The following GALNT14 variants were observed in gnomAD, a reference collection of about 807,000 sequenced individuals.
GALNT14 encodes the protein polypeptide N-acetylgalactosaminyltransferase 14, also known as UDP-GalNAc:polypeptide N-acetylgalactosaminyltransferase 14.
GALNT14 carries 60 observed loss-of-function variants against 77.5 expected under a neutral mutation model. That is an observed-to-expected ratio of 0.77 (90% CI 0.63 to 0.96). The LOEUF is 0.96. Among genes scored for constraint, GALNT14 ranks in the 40% least tolerant of loss-of-function variants. The probability of loss-of-function intolerance (pLI) is 0.00; values close to 1 mark genes in which losing one functional copy is unlikely to be tolerated. For synonymous variants in GALNT14, 280 were observed against 281.7 expected (o/e 0.99, Z 0.06); for missense variants, 710 against 731.0 (o/e 0.97, Z 0.33).
intron 1 of GALNT14, among the ~76,000 whole-genome samples, chr2:31,033,006 C>T (rs1672506526): frequency 6.6e-6 from 1 of 152,154 alleles, no homozygotes; most frequent in South Asian, 2.1e-4. Context: ...CATCAGTGAA[C>T]ATCCTAGGGT....
chr2:30,957,304 G>A (rs761336307), intron 4 of GALNT14, among the ~76,000 whole-genome samples: 2 of 152,130 alleles, frequency 1.3e-5, no homozygotes, highest in African/African-American at 2.4e-5. Flanking sequence ...GCACCAGGTT[G>A]ATTATTTGCC....
chr2:31,117,455 T>C (rs1334896787), intron 1 of GALNT14, among the ~76,000 whole-genome samples: 1 of 152,068 alleles, frequency 6.6e-6, no homozygotes, highest in African/African-American at 2.4e-5. Flanking sequence ...GCAAGAAAAG[T>C]TAAAATTAAT....
Position 30,993,007 on chromosome 2 carries a change from G to C in GALNT14, c.130C>G (p.Pro44Ala), listed in dbSNP as rs186635790. Residue 44 changes from proline (P) to alanine (A), a missense_variant and splice_region_variant, in exon 2 of 15, where the codon CCT (proline) becomes GCT (alanine). By Grantham distance (27) the Pro-to-Ala change is conservative (BLOSUM62 -1). Transcript: ENST00000349752. ...AGGTCGTCCCAGTCAGCGTCCGAAG[G>C]CTGCGTGACACGAATGGGAAGTCTG... ...PTGPEVQTPK[P>A]SDADWDDLWD... 400 of 1,613,930 alleles carry C rather than the reference G, an allele frequency of 2.5e-4. 1 individual carries two copies. The highest frequency in any genetic ancestry group is 1.9e-3 in the Admixed American group (117 of 60,008).
intron 1 of GALNT14, among the ~76,000 whole-genome samples, chr2:31,096,419 G>T (rs1373138875): frequency 1.3e-5 from 2 of 152,090 alleles, no homozygotes; most frequent in Admixed American, 6.6e-5. Context: ...TAAGTCTCTT[G>T]TCACTTCAGT....
chr2:31,107,858 C>G (rs754208467), intron 1 of GALNT14, among the ~76,000 whole-genome samples: 4 of 152,126 alleles, frequency 2.6e-5, no homozygotes, highest in African/African-American at 4.8e-5. Context: ...CCTGTTTCTC[C>G]TTTAACTTTC....
rs372423583 is a variant in GALNT14 at position 30,932,127 on chromosome 2, G to A, written c.999C>T (p.His333=). The A allele has an allele frequency of 1.0e-5, 16 of 1,573,416 alleles. No individual in the cohort carries two copies. Among genetic ancestry groups the A allele is most frequent in the South Asian group, 2.3e-5 (2 of 85,698 alleles). ...CGTAGGGGTGCTTCTTCCGGAAGACGTGCCCCACTCGGCTGCAGGGGACGA... is the reference window on the plus strand; with the variant it reads ...CGTAGGGGTGCTTCTTCCGGAAGACATGCCCCACTCGGCTGCAGGGGACGA... ...LEIVPCSRVG[H]VFRKKHPYVF... is the part of the protein sequence containing the mutation. The change falls in exon 10 of 15, where the codon CAC becomes CAT. Residue 333 remains histidine, a synonymous_variant. Transcript: ENST00000349752.
chr2:31,055,828 G>C (rs887559894), intron 1 of GALNT14, among the ~76,000 whole-genome samples: 1 of 152,192 alleles, frequency 6.6e-6, no homozygotes, highest in African/African-American at 2.4e-5. Flanking sequence ...AACCAGAGAG[G>C]ACAGCAGCCA....
intron 1 of GALNT14, among the ~76,000 whole-genome samples, chr2:31,121,617 A>G (rs1226859270): frequency 6.6e-6 from 1 of 152,058 alleles, no homozygotes; most frequent in East Asian, 1.9e-4. Context: ...CTAGTCACTC[A>G]TGCTGAGTCC....
In GALNT14 at chr2:31,049,665, C is replaced by G. The variant is rs114662681; in HGVS notation, c.130-56658G>C. 9.8e-3 allele frequency among the ~76,000 whole-genome samples: 1,487 copies of G among 152,308 alleles called. 33 individuals are homozygous for G. Among genetic ancestry groups the G allele is most frequent in the African/African-American group, 0.031 (1,281 of 41,574 alleles). ...GAAAAGCAGGAAGGGCCAAGGTAGGCAGCTCTTCTCAGAGCAGCAGGCCAG... is the reference window on the plus strand; with the variant it reads ...GAAAAGCAGGAAGGGCCAAGGTAGGGAGCTCTTCTCAGAGCAGCAGGCCAG... On this transcript the variant is annotated intron_variant, in intron 1 of 14. Transcript: ENST00000349752.
intron 1 of GALNT14, among the ~76,000 whole-genome samples, chr2:30,995,399 C>T (rs556853491): frequency 1.3e-5 from 2 of 152,310 alleles, no homozygotes; most frequent in East Asian, 3.9e-4. Context: ...CTAGGAGCAA[C>T]AGGCTATACC....
chr2:30,988,648 C>A (rs1264516659), intron 2 of GALNT14, among the ~76,000 whole-genome samples: 8 of 152,130 alleles, frequency 5.3e-5, no homozygotes, highest in Non-Finnish European at 4.4e-5. Context: ...CTGCACCAGT[C>A]CTACCTATGA....
At chr2:31,136,132 A>T (rs1227386120) in intron 1 of GALNT14, among the ~76,000 whole-genome samples, 1 of 150,324 alleles carries the variant, frequency 6.7e-6, no homozygotes, top group Non-Finnish European at 1.5e-5. Context: ...CTGAGTGAGA[A>T]AAGTGATCTG....
intron 1 of GALNT14, among the ~76,000 whole-genome samples, chr2:31,032,271 T>C (rs2148482107): frequency 6.6e-6 from 1 of 152,254 alleles, no homozygotes; most frequent in Middle Eastern, 3.4e-3. Flanking sequence ...TGGTTGAGGA[T>C]CCACTCGCTC....
chr2:30,901,366 T>G, the GALNT14 span, among the ~76,000 whole-genome samples: 1 of 152,058 alleles, frequency 6.6e-6, no homozygotes, highest in Non-Finnish European at 1.5e-5. Flanking sequence ...TTTCTCCCCA[T>G]TCACTCAACA....
chr2:31,038,591 A>C (rs930110735), intron 1 of GALNT14, among the ~76,000 whole-genome samples: 1 of 152,044 alleles, frequency 6.6e-6, no homozygotes, highest in Non-Finnish European at 1.5e-5. Flanking sequence ...TTCCAACTCC[A>C]TTCTGCCCCC....
intron 1 of GALNT14, among the ~76,000 whole-genome samples, chr2:31,088,480 G>A (rs1676569001): frequency 6.6e-6 from 1 of 152,124 alleles, no homozygotes; most frequent in South Asian, 2.1e-4. Context: ...CTTTCTTTGT[G>A]AGAACATGTC....
intron 1 of GALNT14, among the ~76,000 whole-genome samples, chr2:31,045,479 T>C (rs554030189): frequency 6.6e-6 from 1 of 152,312 alleles, no homozygotes; most frequent in South Asian, 2.1e-4. Flanking sequence ...TTATTTTATT[T>C]TTTGAGAAAT....
intron 1 of GALNT14, among the ~76,000 whole-genome samples, chr2:31,019,607 G>A (rs768313291): frequency 2.0e-5 from 3 of 152,150 alleles, no homozygotes; most frequent in Non-Finnish European, 4.4e-5. Flanking sequence ...GATAGTCCCA[G>A]GGGGAACCAG....
chr2:31,047,691 C>T (rs1283989741), intron 1 of GALNT14, among the ~76,000 whole-genome samples: 1 of 152,218 alleles, frequency 6.6e-6, no homozygotes, highest in Non-Finnish European at 1.5e-5. Context: ...TGTAGCTGCA[C>T]ATTGGGATGG....
Sources: allele counts gnomAD v4.1 joint callset (sites outside exome capture counted in the v4.1 genomes callset), GRCh38; gene constraint gnomAD v4.1.1; transcripts MANE v1.5; gene names NCBI Gene and HGNC (gene_info 2026-07-23, HGNC 2026-07-21).